The following CHRM3 variants were observed in gnomAD, a reference collection of about 807,000 sequenced individuals.
CHRM3 encodes the protein cholinergic receptor muscarinic 3.
A neutral mutation model predicts 41.8 loss-of-function variants in CHRM3; 11 were observed. That is an observed-to-expected ratio of 0.26 (90% confidence interval 0.17 to 0.44). The LOEUF (loss-of-function observed/expected upper bound fraction) is 0.44. CHRM3 is among the 20% of genes least tolerant of loss of function. The pLI is 1.00. For synonymous variants in CHRM3, 297 were observed against 301.4 expected (o/e 0.99, Z 0.15); for missense variants, 571 against 745.4 (o/e 0.77, Z 2.72).
intron 6 of CHRM3, among the ~76,000 whole-genome samples, chr1:239,888,618 G>A (rs954901261): frequency 1.3e-5 from 2 of 150,552 alleles, no homozygotes; most frequent in Non-Finnish European, 3.0e-5. Flanking sequence ...AAAAAAAGTG[G>A]CAATGAAAAA....
intron 1 of CHRM3, among the ~76,000 whole-genome samples, chr1:239,479,704 A>G (rs1666703275): frequency 6.6e-6 from 1 of 152,220 alleles, no homozygotes; most frequent in South Asian, 2.1e-4. Context: ...AAGCAATTGT[A>G]ACACAATGGT....
chr1:239,828,375 T>A lies in CHRM3; in HGVS notation c.-20+997T>A, dbSNP rs1572419216. ...ATGCACCTATATAGGTACACATACA[T>A]AGATACACACACAGGTGTATATATA... On this transcript the variant is annotated intron_variant, in intron 6 of 6. Coordinates refer to ENST00000676153, the MANE Select transcript of CHRM3 (RefSeq NM_001375978.1). 2.6e-5 allele frequency among the ~76,000 whole-genome samples: 4 copies of A among 152,152 alleles called. No homozygotes were observed. The South Asian group carries it at 8.3e-4, about 32-fold the overall frequency.
At chr1:239,627,680 T>A in intron 3 of CHRM3, among the ~76,000 whole-genome samples, 1 of 141,154 alleles carries the variant, frequency 7.1e-6, no homozygotes, top group Non-Finnish European at 1.5e-5. Flanking sequence ...CTTCAGGAGC[T>A]CTTTTAGGGC....
At chr1:239,470,722 A>G (rs753273883) in intron 1 of CHRM3, among the ~76,000 whole-genome samples, 6 of 152,196 alleles carry the variant, frequency 3.9e-5, no homozygotes, top group Non-Finnish European at 7.3e-5. Context: ...GTTTCTTCCC[A>G]GGTCATTGTG....
At chr1:239,893,098 G>GTGAC in intron 6 of CHRM3, among the ~76,000 whole-genome samples, 1 of 152,052 alleles carries the variant, frequency 6.6e-6, no homozygotes, top group Non-Finnish European at 1.5e-5. Flanking sequence ...TTCTCATCTG[G>GTGAC]TGACTAAATA....
chr1:239,793,768 T>C (rs1669525612), intron 5 of CHRM3, among the ~76,000 whole-genome samples: 2 of 145,354 alleles, frequency 1.4e-5, no homozygotes, highest in African/African-American at 2.5e-5. Context: ...CTGTTAGAAA[T>C]AGGCAAACAT....
intron 3 of CHRM3, among the ~76,000 whole-genome samples, chr1:239,611,719 G>T (rs139192170): frequency 3.9e-5 from 6 of 151,950 alleles, no homozygotes; most frequent in Admixed American, 3.3e-4. Context: ...GCACCCAGCC[G>T]CAAGTGACAT....
chr1:239,677,649 A>G (rs1251114481), intron 4 of CHRM3, among the ~76,000 whole-genome samples: 1 of 152,166 alleles, frequency 6.6e-6, no homozygotes, highest in Non-Finnish European at 1.5e-5. Context: ...AACGTTTTGT[A>G]CAGCATTCTC....
At chr1:239,744,005 T>G (rs1665122488) in intron 5 of CHRM3, among the ~76,000 whole-genome samples, 1 of 149,886 alleles carries the variant, frequency 6.7e-6, no homozygotes, top group Non-Finnish European at 1.5e-5. Flanking sequence ...AGACAGGGTC[T>G]TGCTATGTTG....
chr1:239,754,987 A>C (rs545480928), intron 5 of CHRM3, among the ~76,000 whole-genome samples: 1 of 152,324 alleles, frequency 6.6e-6, no homozygotes, highest in African/African-American at 2.4e-5. Flanking sequence ...TCTTGTCTTA[A>C]AAGAATTAGG....
intron 5 of CHRM3, among the ~76,000 whole-genome samples, chr1:239,693,703 G>A (rs1338660958): frequency 6.6e-6 from 1 of 152,188 alleles, no homozygotes; most frequent in East Asian, 1.9e-4. Flanking sequence ...GATAGTGGGG[G>A]CAAGGTGAGG....
intron 3 of CHRM3, among the ~76,000 whole-genome samples, chr1:239,578,903 T>C (rs1290992926): frequency 6.6e-6 from 1 of 152,184 alleles, no homozygotes; most frequent in Non-Finnish European, 1.5e-5. Context: ...ACCATTCATC[T>C]GCACCATTGC....
chr1:239,456,285 C>G (rs1433315707), intron 1 of CHRM3, among the ~76,000 whole-genome samples: 1 of 152,218 alleles, frequency 6.6e-6, no homozygotes, highest in East Asian at 1.9e-4. Context: ...TCCAATCCTG[C>G]AAGCTGCGTT....
At chr1:239,665,925 A>C (rs1673752266) in intron 4 of CHRM3, among the ~76,000 whole-genome samples, 1 of 152,190 alleles carries the variant, frequency 6.6e-6, no homozygotes, top group Middle Eastern at 3.4e-3. Context: ...CAATGATGGG[A>C]ATTTGGGTTG....
chr1:239,846,506 C>T (rs1279916958), intron 6 of CHRM3, among the ~76,000 whole-genome samples: 2 of 152,148 alleles, frequency 1.3e-5, no homozygotes, highest in Admixed American at 6.5e-5. Context: ...AGTACTTCCA[C>T]CTTTGCCAGG....
At chr1:239,844,803 G>T (rs979622132) in intron 6 of CHRM3, among the ~76,000 whole-genome samples, 1 of 152,168 alleles carries the variant, frequency 6.6e-6, no homozygotes, top group Non-Finnish European at 1.5e-5. Flanking sequence ...ATAGCAGTTA[G>T]TCACCCCTTA....
intron 3 of CHRM3, among the ~76,000 whole-genome samples, chr1:239,569,786 G>A (rs1661667106): frequency 6.6e-6 from 1 of 152,124 alleles, no homozygotes; most frequent in Non-Finnish European, 1.5e-5. Flanking sequence ...GTGTCTCCTT[G>A]CAGTGGGGGA....
intron 6 of CHRM3, among the ~76,000 whole-genome samples, chr1:239,902,972 T>G (rs1572646602): frequency 6.6e-6 from 1 of 152,174 alleles, no homozygotes; most frequent in East Asian, 1.9e-4. Context: ...AGAAACGTAT[T>G]AGATATTGAA....
chr1:239,559,272 G>A (rs1660652050), intron 3 of CHRM3, among the ~76,000 whole-genome samples: 2 of 152,050 alleles, frequency 1.3e-5, no homozygotes. Context: ...GCCTGAGTCA[G>A]GATCATATTT....
Sources: allele counts gnomAD v4.1 joint callset (sites outside exome capture counted in the v4.1 genomes callset), GRCh38; gene constraint gnomAD v4.1.1; transcripts MANE v1.5; gene names NCBI Gene and HGNC (gene_info 2026-07-23, HGNC 2026-07-21).